Variants in CERS6 observed in about 807,000 individuals in gnomAD.
CERS6 encodes ceramide synthase 6.
Under a neutral mutation model 56.8 loss-of-function variants are expected in CERS6, and 26 were observed. The observed-to-expected ratio is 0.46, with a 90% CI of 0.34 to 0.63. The LOEUF (loss-of-function observed/expected upper bound fraction) is 0.63, where lower values mean the gene tolerates loss of function less well. CERS6 is among the 30% of genes least tolerant of loss of function. The pLI is 0.01. For missense variants in CERS6, 415 were observed against 467.5 expected (o/e 0.89, Z 1.04); for synonymous variants, 164 against 173.3 (o/e 0.95, Z 0.42).
chr2:168,461,639 A>C (rs1382834693), intron 1 of CERS6, among the ~76,000 whole-genome samples: 1 of 152,182 alleles, frequency 6.6e-6, no homozygotes, highest in East Asian at 1.9e-4. Flanking sequence ...ACAGTGAAGT[A>C]GTTTGGCTAT....
chr2:168,656,797 C>A (rs1028561893), intron 4 of CERS6, among the ~76,000 whole-genome samples: 3 of 152,146 alleles, frequency 2.0e-5, no homozygotes, highest in Non-Finnish European at 4.4e-5. Context: ...TTATCTGGCC[C>A]CACCCACATC....
chr2:168,671,015 C>G (rs1685904300), intron 4 of CERS6, among the ~76,000 whole-genome samples: 1 of 127,824 alleles, frequency 7.8e-6, no homozygotes. Context: ...GGCTAGAGTT[C>G]AGTGGCACAA....
intron 2 of CERS6, among the ~76,000 whole-genome samples, chr2:168,558,260 C>T (rs896938187): frequency 1.3e-5 from 2 of 152,250 alleles, no homozygotes; most frequent in Admixed American, 1.3e-4. Flanking sequence ...CTTTCACTTT[C>T]AGGAACTTAG....
rs72877881 is a variant in CERS6, at chr2:168,629,448, G to A, written c.408-1537G>A. Among the ~76,000 whole-genome samples the A allele has an allele frequency of 2.9e-3, 438 of 152,216 alleles. 2 individuals are homozygous for A. Among genetic ancestry groups the A allele is most frequent in the Non-Finnish European group, 4.7e-3 (322 of 68,006 alleles). On this transcript the variant is annotated intron_variant, in intron 3 of 9. Transcript: ENST00000305747. ...AATACTTGTGCTACCAAATCCTTGA[G>A]GCATCATTATAGCACAAACCCAGTC...
chr2:168,721,878 C>T (rs1336345221), intron 8 of CERS6, among the ~76,000 whole-genome samples: 1 of 152,152 alleles, frequency 6.6e-6, no homozygotes, highest in Non-Finnish European at 1.5e-5. Context: ...CCTAGGCTTC[C>T]CAAAGTGCTG....
chr2:168,763,518 T>G (rs1684640668), intron 8 of CERS6, among the ~76,000 whole-genome samples: 1 of 151,508 alleles, frequency 6.6e-6, no homozygotes, highest in Non-Finnish European at 1.5e-5. Context: ...CATCTCAGCC[T>G]CCCAAAGTGC....
chr2:168,473,259 TTAAG>T (rs2105326442), intron 1 of CERS6, among the ~76,000 whole-genome samples: 1 of 152,280 alleles, frequency 6.6e-6, no homozygotes, highest in Admixed American at 6.5e-5. Context: ...TCATGTTTGT[TTAAG>T]TTTTTTCTTT....
chr2:168,743,127 G>T (rs1335660419), intron 8 of CERS6, among the ~76,000 whole-genome samples: 1 of 151,580 alleles, frequency 6.6e-6, no homozygotes, highest in Non-Finnish European at 1.5e-5. Context: ...GATTAAGATG[G>T]AAGGATTATT....
At chr2:168,754,279 G>A (rs1490557593) in intron 8 of CERS6, among the ~76,000 whole-genome samples, 3 of 152,208 alleles carry the variant, frequency 2.0e-5, no homozygotes, top group East Asian at 3.8e-4. Context: ...TGTGTTCAAG[G>A]TGCGTGGGCC....
At chr2:168,470,338 G>A (rs942036748) in intron 1 of CERS6, among the ~76,000 whole-genome samples, 4 of 152,004 alleles carry the variant, frequency 2.6e-5, no homozygotes, top group African/African-American at 9.7e-5. Flanking sequence ...AACTATGATT[G>A]CACCATAAGA....
intron 1 of CERS6, among the ~76,000 whole-genome samples, chr2:168,513,942 C>G (rs1442733314): frequency 6.6e-6 from 1 of 152,126 alleles, no homozygotes; most frequent in African/African-American, 2.4e-5. Flanking sequence ...CGTCCCTATT[C>G]TGCTGCTCCC....
rs1209858415 is a variant in CERS6, at chr2:168,598,395, CT to C, written c.408-32580del. Among the ~76,000 whole-genome samples, 12 of 147,320 alleles carry C rather than the reference CT, an allele frequency of 8.1e-5. No individual in the cohort carries two copies. In the South Asian group the frequency reaches 1.1e-3, roughly 13 times the overall value. On this transcript the variant is annotated intron_variant, in intron 3 of 9. Coordinates refer to ENST00000305747, the MANE Select transcript of CERS6 (RefSeq NM_203463.3). ...GCATAGTAATTAACCAGAGAGTTTTCTTTTTTTTTTCTTTTCCACATCTACT... is the reference window on the plus strand; with the variant it reads ...GCATAGTAATTAACCAGAGAGTTTTCTTTTTTTTTCTTTTCCACATCTACT...
At chr2:168,581,981 A>AGGCCCACCTGGGCTAACTCCCC (rs1683424394) in intron 3 of CERS6, among the ~76,000 whole-genome samples, 1 of 152,320 alleles carries the variant, frequency 6.6e-6, no homozygotes, top group East Asian at 1.9e-4. Flanking sequence ...CATGACTCCC[A>AGGCCCACCTGGGCTAACTCCCC]GGCCCACCTG....
chr2:168,696,799 TG>T (rs1254794041), intron 6 of CERS6, among the ~76,000 whole-genome samples: 2 of 152,170 alleles, frequency 1.3e-5, no homozygotes, highest in Admixed American at 1.3e-4. Context: ...ACTATCACTT[TG>T]GGGGTTAGAG....
chr2:168,622,563 T>C (rs1280865037), intron 3 of CERS6, among the ~76,000 whole-genome samples: 1 of 152,238 alleles, frequency 6.6e-6, no homozygotes, highest in Non-Finnish European at 1.5e-5. Flanking sequence ...AATATATTTT[T>C]TGAATCAATG....
chr2:168,645,142 TAGAGAGAG>T (rs35865470), intron 4 of CERS6, among the ~76,000 whole-genome samples: 794 of 12,696 alleles, frequency 0.063, 60 homozygotes, highest in African/African-American at 0.096. Flanking sequence ...TATATATATA[TAGAGAGAG>T]AGAGAGAGAG....
chr2:168,537,586 A>G (rs867322657), intron 1 of CERS6, among the ~76,000 whole-genome samples: 1 of 152,146 alleles, frequency 6.6e-6, no homozygotes, highest in Non-Finnish European at 1.5e-5. Flanking sequence ...TGCATATTTT[A>G]TGTAAATATC....
chr2:168,522,793 C>T (rs1347856546), intron 1 of CERS6, among the ~76,000 whole-genome samples: 1 of 152,188 alleles, frequency 6.6e-6, no homozygotes, highest in Non-Finnish European at 1.5e-5. Flanking sequence ...AAGTGATCCT[C>T]AGGCCTTGGC....
At chr2:168,584,829 T>C (rs1001405949) in intron 3 of CERS6, among the ~76,000 whole-genome samples, 5 of 152,240 alleles carry the variant, frequency 3.3e-5, no homozygotes, top group African/African-American at 1.2e-4. Context: ...TGTTTGTTTT[T>C]TGTTTTATGA....
Sources: gnomAD v4.1 joint callset for allele counts (sites outside exome capture counted in the v4.1 genomes callset) on GRCh38, gnomAD v4.1.1 for gene constraint, MANE v1.5 for transcripts, NCBI Gene and HGNC (gene_info 2026-07-23, HGNC 2026-07-21) for gene names.